HOOK1: variants seen among roughly 807,000 people sequenced by gnomAD.
The protein encoded by HOOK1 is protein Hook homolog 1.
HOOK1 carries 60 observed loss-of-function variants against 112.8 expected under a neutral mutation model. The ratio of observed to expected loss-of-function variants is 0.53; its 90% confidence interval spans 0.43 to 0.66. The LOEUF (loss-of-function observed/expected upper bound fraction) is 0.66. Among genes scored for constraint, HOOK1 ranks in the 30% least tolerant of loss-of-function variants. The pLI is 0.00. For missense variants in HOOK1, 770 were observed against 856.0 expected, an observed-to-expected ratio of 0.90 and a Z score of 1.25; for synonymous variants, 294 against 283.8, an observed-to-expected ratio of 1.04 and a Z score of -0.36.
chr1:59,826,825 C>G (rs1213560188), intron 2 of HOOK1, among the ~76,000 whole-genome samples: 4 of 152,182 alleles, frequency 2.6e-5, no homozygotes, highest in Non-Finnish European at 4.4e-5. Context: ...TGCAAAGGCA[C>G]AATCTTGGCT....
At chr1:59,865,004 C>T (rs1023647681) in intron 17 of HOOK1, 159 bp from the exon 18 acceptor site, 4 of 587,878 alleles carry the variant, frequency 6.8e-6, no homozygotes, top group Non-Finnish European at 1.2e-5. Flanking sequence ...TGGCACCTGC[C>T]GTGTGCCTGA....
Position 59,832,156 on chromosome 1 carries a change from A to G in HOOK1, c.223-7A>G. On this transcript the variant is annotated splice_region_variant and splice_polypyrimidine_tract_variant and intron_variant, in intron 3 of 21. Coordinates refer to ENST00000371208, the MANE Select transcript of HOOK1 (RefSeq NM_015888.6). ...GAAATAAGAATCTCTTATTTTTTTC[A>G]CATTAGGCCAGTAATGTAAAGAAGG... 1 of 1,452,788 alleles carries G rather than the reference A, an allele frequency of 6.9e-7. No homozygotes were observed. The highest frequency in any genetic ancestry group is 9.4e-7 in the Non-Finnish European group (1 of 1,068,616). 90.0% of individuals were successfully genotyped at this position (1,452,788 alleles called of 1,614,324 possible).
Position 59,840,567 on chromosome 1 carries a change from T to C in HOOK1, c.621+176T>C, listed in dbSNP as rs866019430. ...CAAGTATTAATTTCATAAATATTTT[T>C]CTCTGATAGTTGAAATTTGCTGGCT... On this transcript the variant is annotated intron_variant, in intron 8 of 21. Transcript: ENST00000371208. Among the ~76,000 whole-genome samples the C allele has an allele frequency of 2.6e-5, 4 of 152,284 alleles. No homozygotes were observed. In the South Asian group the frequency reaches 6.2e-4, roughly 24 times the overall value.
intron 7 of HOOK1, among the ~76,000 whole-genome samples, chr1:59,839,005 G>T (rs2098399528): frequency 6.6e-6 from 1 of 152,032 alleles, no homozygotes; most frequent in South Asian, 2.1e-4. Flanking sequence ...ATCAGATGGT[G>T]GTAGATGTGT....
At chr1:59,819,152 T>A (rs950630505) in intron 1 of HOOK1, among the ~76,000 whole-genome samples, 10 of 138,808 alleles carry the variant, frequency 7.2e-5, no homozygotes, top group Admixed American at 4.3e-4. Context: ...TTTTTTTTTT[T>A]TTTTTTTTTT....
At chr1:59,859,087 A>G in intron 14 of HOOK1, 42 bp downstream of exon 14, 1 of 998,250 alleles carries the variant, frequency 1.0e-6, no homozygotes, top group Non-Finnish European at 1.3e-6. Context: ...ATTTAATATT[A>G]TAATTTTTTT....
chr1:59,840,883 A>G (rs977557727), intron 8 of HOOK1, among the ~76,000 whole-genome samples: 6 of 152,152 alleles, frequency 3.9e-5, no homozygotes, highest in African/African-American at 1.4e-4. Flanking sequence ...ATGCACATGT[A>G]TGTTAAAATG....
intron 15 of HOOK1, among the ~76,000 whole-genome samples, chr1:59,861,681 C>T (rs1215990479): frequency 1.3e-5 from 2 of 152,132 alleles, no homozygotes; most frequent in East Asian, 3.9e-4. Flanking sequence ...CTGGATCCTC[C>T]ATAATGAACT....
Position 59,868,268 on chromosome 1 carries a change from C to T in HOOK1, c.1864C>T (p.Pro622Ser). The change falls in exon 20 of 22, where the codon CCC (proline) becomes TCC (serine). Residue 622 changes from proline (P) to serine (S), a missense_variant. Pro to Ser is a moderately conservative substitution (Grantham distance 74). This residue lies in a region of HOOK1 where 655 missense variants were observed against 725.9 expected (regional missense o/e 0.90). Transcript: ENST00000371208. ...TAAACAGGTAATAAAAACTTTGGAT[C>T]CCAAGTTAAATCCAGCATCAGCTGA... is the stretch of plus-strand genomic sequence containing the variant. ...KARNVIKTLD[P>S]KLNPASAEIM... is the part of the protein sequence containing the mutation. 1 of 1,603,346 alleles carries T rather than the reference C, an allele frequency of 6.2e-7. No individual in the cohort carries two copies. Among genetic ancestry groups the T allele is most frequent in the Non-Finnish European group, 8.5e-7 (1 of 1,171,750 alleles).
chr1:59,817,929 C>T (rs1327193556), intron 1 of HOOK1, among the ~76,000 whole-genome samples: 2 of 152,216 alleles, frequency 1.3e-5, no homozygotes, highest in Non-Finnish European at 2.9e-5. Flanking sequence ...ACACTGACAA[C>T]TATTGCCAAT....
At chr1:59,866,285 G>C (rs186869366) in intron 19 of HOOK1, among the ~76,000 whole-genome samples, 17 of 152,246 alleles carry the variant, frequency 1.1e-4, no homozygotes, top group African/African-American at 3.4e-4. Flanking sequence ...ATTCTTATTT[G>C]CTAGAATCTT....
intron 6 of HOOK1, 82 bp from the exon 7 acceptor site, chr1:59,836,790 AT>A (rs1239308893): frequency 1.3e-6 from 1 of 799,762 alleles, no homozygotes; most frequent in African/African-American, 1.8e-5. Flanking sequence ...AATATAAATC[AT>A]TTTACTATCC....
chr1:59,847,863 G>A (rs538527296), intron 10 of HOOK1, among the ~76,000 whole-genome samples: 1 of 151,702 alleles, frequency 6.6e-6, no homozygotes, highest in South Asian at 2.1e-4. Context: ...CAACTCCAAA[G>A]GGAAGTGCTT....
chr1:59,854,934 A>G (rs2098409702), intron 12 of HOOK1, among the ~76,000 whole-genome samples: 1 of 152,240 alleles, frequency 6.6e-6, no homozygotes, highest in African/African-American at 2.4e-5. Context: ...AGGGTAGCCT[A>G]TACATGGTAA....
chr1:59,845,493 C>G (rs569993422), intron 9 of HOOK1, among the ~76,000 whole-genome samples: 1 of 151,828 alleles, frequency 6.6e-6, no homozygotes. Context: ...AAGTATGATG[C>G]TAGCTGTAGA....
At chr1:59,827,024 C>G (rs937187631) in intron 2 of HOOK1, among the ~76,000 whole-genome samples, 7 of 152,188 alleles carry the variant, frequency 4.6e-5, no homozygotes, top group Non-Finnish European at 7.3e-5. Context: ...CTCGGCCCCC[C>G]AAAGCGCTGG....
intron 21 of HOOK1, 121 bp downstream of exon 21, chr1:59,871,231 T>A: frequency 1.6e-6 from 1 of 626,720 alleles, no homozygotes; most frequent in South Asian, 2.1e-5. Context: ...ATAGCATGTT[T>A]ATGTATATGA....
At chr1:59,828,399 A>G (rs954089760) in intron 2 of HOOK1, among the ~76,000 whole-genome samples, 1 of 152,178 alleles carries the variant, frequency 6.6e-6, no homozygotes, top group African/African-American at 2.4e-5. Flanking sequence ...AATTCCCTAA[A>G]TAGTAAGACT....
Position 59,814,972 on chromosome 1 carries a change from G to A in HOOK1, c.-146G>A. 1 of 748,118 alleles carries A rather than the reference G, an allele frequency of 1.3e-6. No homozygotes were observed. The highest frequency in any genetic ancestry group is 2.1e-6 in the Non-Finnish European group (1 of 465,336). 46.3% of individuals were successfully genotyped at this position (748,118 alleles called of 1,614,324 possible). A position where few individuals can be genotyped will look rare whatever the true frequency, so the allele number is the denominator to read the frequency against. On this transcript the variant is annotated 5_prime_UTR_variant, in exon 1 of 22. Coordinates refer to ENST00000371208, the MANE Select transcript of HOOK1 (RefSeq NM_015888.6). ...GGGTGACGCCGGACGCGTCGACAGC[G>A]CGAGGGTTCGCGCGTGAGCTGCGCG...
Sources: allele counts gnomAD v4.1 joint callset (sites outside exome capture counted in the v4.1 genomes callset), GRCh38; gene constraint gnomAD v4.1.1; regional missense constraint gnomAD v4.1.1; transcripts MANE v1.5; gene names NCBI Gene and HGNC (gene_info 2026-07-23, HGNC 2026-07-21).